DACH2: variants seen among roughly 807,000 people sequenced by gnomAD.
DACH2 encodes the protein dachshund homolog 2.
Under a neutral mutation model 35.8 loss-of-function variants are expected in DACH2, and 17 were observed. The observed-to-expected ratio is 0.48, with a 90% CI of 0.33 to 0.71. The LOEUF (loss-of-function observed/expected upper bound fraction) is 0.71, where lower values mean the gene tolerates loss of function less well. Ranked by LOEUF, DACH2 falls within the 30% of genes least tolerant of loss-of-function variation. The pLI, the probability that DACH2 is intolerant of heterozygous loss-of-function variation, is 0.02. For missense variants in DACH2, 469 were observed against 472.7 expected (o/e 0.99, Z 0.07); for synonymous variants, 195 against 177.3 (o/e 1.10, Z -0.79).
At chrX:86,275,306 A>G (rs1169688026) in intron 1 of DACH2, among the ~76,000 whole-genome samples, 3 of 112,523 alleles carry the variant, frequency 2.7e-5, no homozygotes, top group Non-Finnish European at 5.6e-5. Flanking sequence ...TTTTCTTTCA[A>G]AAATGAATTC....
intron 1 of DACH2, among the ~76,000 whole-genome samples, chrX:86,158,687 T>C (rs2030641472): frequency 9.0e-6 from 1 of 110,690 alleles, no homozygotes. Context: ...TAGCTTGGGG[T>C]GTATAAGCTG....
chrX:86,619,931 T>C (rs1005827697), intron 3 of DACH2, among the ~76,000 whole-genome samples: 5 of 112,233 alleles, frequency 4.5e-5, no homozygotes, highest in Non-Finnish European at 9.4e-5. Context: ...GTTAGGTAGA[T>C]GCCAATTTTT....
rs774389383 is a variant in DACH2, at chrX:86,771,004, C to T, written c.1240+31122C>T. ...TGGTAGATTTGGGGGGTTTTGGTGA[C>T]GTTTACCAGGGCATAGTTTTGAAAT... is the stretch of plus-strand genomic sequence containing the variant. On this transcript the variant is annotated intron_variant, in intron 7 of 11. Coordinates refer to ENST00000373125, the MANE Select transcript of DACH2 (RefSeq NM_053281.3). Among the ~76,000 whole-genome samples the T allele has an allele frequency of 7.1e-5, 8 of 112,855 alleles. No individual in the cohort carries two copies. The East Asian group carries it at 1.1e-3, about 16-fold the overall frequency.
At chrX:86,315,810 CA>C (rs2034890055) in intron 1 of DACH2, among the ~76,000 whole-genome samples, 1 of 95,511 alleles carries the variant, frequency 1.0e-5, no homozygotes, top group East Asian at 3.4e-4. Flanking sequence ...CACACACACA[CA>C]CACACACACA....
chrX:86,421,268 C>A (rs2036798212), intron 2 of DACH2, among the ~76,000 whole-genome samples: 1 of 111,801 alleles, frequency 8.9e-6, no homozygotes, highest in Admixed American at 9.5e-5. Flanking sequence ...CAATAGTTAA[C>A]AACCATATAG....
chrX:86,236,105 C>G (rs1602311094), intron 1 of DACH2, among the ~76,000 whole-genome samples: 1 of 103,567 alleles, frequency 9.7e-6, no homozygotes, highest in East Asian at 3.2e-4. Flanking sequence ...GCACTCCAGC[C>G]TGGGTGACAG....
chrX:86,667,478 A>G (rs866849358), intron 4 of DACH2, among the ~76,000 whole-genome samples: 18 of 101,046 alleles, frequency 1.8e-4, no homozygotes, highest in African/African-American at 5.5e-4. Context: ...AAAGAAAGAA[A>G]GAAGGAAGGA....
At chrX:86,168,478 T>C (rs1442982368) in intron 1 of DACH2, among the ~76,000 whole-genome samples, 1 of 111,255 alleles carries the variant, frequency 9.0e-6, no homozygotes, top group Non-Finnish European at 1.9e-5. Flanking sequence ...GGTCTTGTTT[T>C]TTCATCCATT....
chrX:86,236,896 G>A (rs1233580274), intron 1 of DACH2, among the ~76,000 whole-genome samples: 1 of 112,080 alleles, frequency 8.9e-6, no homozygotes, highest in Non-Finnish European at 1.9e-5. Flanking sequence ...ATTAACCTTA[G>A]CTTATTGTAA....
chrX:86,220,224 T>C (rs2032677733), intron 1 of DACH2, among the ~76,000 whole-genome samples: 1 of 109,745 alleles, frequency 9.1e-6, no homozygotes, highest in Non-Finnish European at 1.9e-5. Flanking sequence ...TGTGTGCATG[T>C]GTGTTTAGAA....
At chrX:86,546,406 T>TTCTTCTTCTTCTTCTTCTTCC in intron 3 of DACH2, among the ~76,000 whole-genome samples, 2 of 91,683 alleles carry the variant, frequency 2.2e-5, no homozygotes, top group Non-Finnish European at 4.2e-5. Context: ...TTCTTCTTCC[T>TTCTTCTTCTTCTTCTTCTTCC]TCTTCTTCTT....
intron 2 of DACH2, among the ~76,000 whole-genome samples, chrX:86,436,913 G>T (rs1429099170): frequency 2.7e-5 from 3 of 111,276 alleles, no homozygotes; most frequent in Non-Finnish European, 5.7e-5. Context: ...TTATCAAATT[G>T]TGAGCATAGA....
chrX:86,422,437 G>A (rs2036820054), intron 2 of DACH2, among the ~76,000 whole-genome samples: 1 of 110,728 alleles, frequency 9.0e-6, no homozygotes, highest in Admixed American at 9.6e-5. Flanking sequence ...TGTGATACTT[G>A]TGAGGAAAGT....
At chrX:86,415,446 A>G (rs1284343160) in intron 2 of DACH2, among the ~76,000 whole-genome samples, 1 of 112,088 alleles carries the variant, frequency 8.9e-6, no homozygotes, top group East Asian at 2.8e-4. Context: ...TGATAAGAAA[A>G]AGAAAAGAAT....
chrX:86,248,415 C>T (rs2033330603), intron 1 of DACH2, among the ~76,000 whole-genome samples: 1 of 110,802 alleles, frequency 9.0e-6, no homozygotes, highest in African/African-American at 3.3e-5. Context: ...AAGCTGAGAG[C>T]CTTATCAAGA....
chrX:86,544,815 G>C (rs1481423763), intron 3 of DACH2, among the ~76,000 whole-genome samples: 1 of 111,969 alleles, frequency 8.9e-6, no homozygotes, highest in Non-Finnish European at 1.9e-5. Context: ...ATGTAAATAG[G>C]CTAAATGCCC....
intron 1 of DACH2, among the ~76,000 whole-genome samples, chrX:86,232,927 A>G (rs1020616477): frequency 9.8e-5 from 11 of 112,339 alleles, no homozygotes; most frequent in Non-Finnish European, 2.1e-4. Context: ...GATAGCAAGG[A>G]TATGGAATCA....
At chrX:86,336,143 C>T (rs979691230) in intron 1 of DACH2, among the ~76,000 whole-genome samples, 5 of 111,728 alleles carry the variant, frequency 4.5e-5, no homozygotes, top group Admixed American at 1.9e-4. Flanking sequence ...CTGTTGGATT[C>T]GGTCTGCCAG....
At chrX:86,253,775 A>G (rs2033448604) in intron 1 of DACH2, among the ~76,000 whole-genome samples, 1 of 111,974 alleles carries the variant, frequency 8.9e-6, no homozygotes, top group Non-Finnish European at 1.9e-5. Context: ...GGGATGTAAG[A>G]GAAGAATAAG....
Sources: allele counts gnomAD v4.1 joint callset (sites outside exome capture counted in the v4.1 genomes callset), GRCh38; gene constraint gnomAD v4.1.1; transcripts MANE v1.5; gene names NCBI Gene and HGNC (gene_info 2026-07-23, HGNC 2026-07-21).